The following PIK3CB variants were observed in gnomAD, a reference collection of about 807,000 sequenced individuals.
PIK3CB encodes phosphatidylinositol-4,5-bisphosphate 3-kinase catalytic subunit beta.
A neutral mutation model predicts 136.8 loss-of-function variants in PIK3CB; 39 were observed. The observed-to-expected ratio is 0.29, with a 90% CI of 0.22 to 0.37. The LOEUF (loss-of-function observed/expected upper bound fraction) is 0.37, where lower values mean the gene tolerates loss of function less well. Ranked by LOEUF, PIK3CB falls within the 10% of genes least tolerant of loss-of-function variation. PIK3CB has a pLI of 1.00. For synonymous variants in PIK3CB, 428 were observed against 436.6 expected (o/e 0.98, Z 0.25); for missense variants, 868 against 1,275.4 (o/e 0.68, Z 4.87).
intron 6 of PIK3CB, among the ~76,000 whole-genome samples, chr3:138,735,686 G>A (rs2045087536): frequency 6.6e-6 from 1 of 152,006 alleles, no homozygotes; most frequent in Admixed American, 6.6e-5. Flanking sequence ...TAAGAAAAGG[G>A]GTGATTATTC....
intron 19 of PIK3CB, among the ~76,000 whole-genome samples, chr3:138,666,664 A>C (rs929622273): frequency 6.6e-6 from 1 of 152,220 alleles, no homozygotes; most frequent in African/African-American, 2.4e-5. Flanking sequence ...GGAATGAGAT[A>C]TCTTGAAAGG....
chr3:138,780,294 C>T (rs748070833), intron 2 of PIK3CB, among the ~76,000 whole-genome samples: 4 of 150,690 alleles, frequency 2.7e-5, no homozygotes, highest in South Asian at 2.1e-4. Flanking sequence ...TTTTTTGAGA[C>T]GGCGTCTTGC....
At chr3:138,733,648 G>A (rs1259761731) in intron 7 of PIK3CB, among the ~76,000 whole-genome samples, 1 of 152,152 alleles carries the variant, frequency 6.6e-6, no homozygotes, top group Non-Finnish European at 1.5e-5. Flanking sequence ...GGAGGCTGAG[G>A]CAGGTGGATC....
Position 138,778,179 on chromosome 3 carries a change from C to G in PIK3CB, c.-17+18284G>C, listed in dbSNP as rs141965701. The G allele has an allele frequency of 4.2e-5, 19 of 455,324 alleles. No homozygotes were observed. In the East Asian group the frequency reaches 1.1e-3, roughly 26 times the overall value. The allele number at this position is 455,324 out of a possible 1,614,324, so 28.2% of individuals were successfully genotyped here. A position where few individuals can be genotyped will look rare whatever the true frequency, so the allele number is the denominator to read the frequency against. ...ATTTAAAAGGAGAAACCGAAAGGGT[C>G]ATCATCTCTGCCCCCTCTGCTGATG... On this transcript the variant is annotated intron_variant, in intron 2 of 23. Transcript: ENST00000674063.
intron 6 of PIK3CB, among the ~76,000 whole-genome samples, chr3:138,735,873 T>C (rs1410212014): frequency 2.6e-5 from 4 of 152,156 alleles, no homozygotes; most frequent in African/African-American, 7.2e-5. Flanking sequence ...AAGTTATATA[T>C]GATATTATGA....
chr3:138,758,684 G>A (rs2045616323), intron 3 of PIK3CB, among the ~76,000 whole-genome samples: 1 of 152,100 alleles, frequency 6.6e-6, no homozygotes, highest in Non-Finnish European at 1.5e-5. Context: ...ATTCACATTG[G>A]GTTCAGCTTT....
chr3:138,785,592 C>T (rs760475600), intron 2 of PIK3CB, among the ~76,000 whole-genome samples: 37 of 152,042 alleles, frequency 2.4e-4, no homozygotes, highest in Admixed American at 1.1e-3. Flanking sequence ...GTAAGATGTG[C>T]TTTGTTAAAC....
chr3:138,694,791 C>T lies in PIK3CB; in HGVS notation c.1887G>A (p.Gln629=), dbSNP rs772377417. The change falls in exon 14 of 24, where the codon CAG becomes CAA. Residue 629 remains glutamine (Q), a synonymous_variant. Transcript: ENST00000674063. ...VREYAVGCLR[Q]MSDEELSQYL... ...AAACCACCTGCAGAAGATACCTCAT[C>T]TGTCGCAGGCAGCCTACAGCATATT... 9 of 1,612,242 alleles carry T rather than the reference C, an allele frequency of 5.6e-6. No homozygotes were observed. Among genetic ancestry groups the T allele is most frequent in the Non-Finnish European group, 7.6e-6 (9 of 1,179,182 alleles).
chr3:138,759,429 C>T, intron 2 of PIK3CB, 70 bp from the exon 3 acceptor site: 2 of 1,004,622 alleles, frequency 2.0e-6, no homozygotes, highest in South Asian at 1.9e-5. Context: ...ATGATAAAGA[C>T]CACTAATCTA....
rs530593129 is a variant in PIK3CB, at chr3:138,753,985, T to C, written c.397+1769A>G. Among the ~76,000 whole-genome samples, 9 of 152,270 alleles carry C rather than the reference T, an allele frequency of 5.9e-5. No individual in the cohort carries two copies. In the East Asian group the frequency reaches 1.7e-3, roughly 29 times the overall value. On this transcript the variant is annotated intron_variant, in intron 4 of 23. Transcript: ENST00000674063. Reference sequence around the variant, plus strand: ...ACAAAAACAAATAAAAGCCTTGAAATACATATAATTTATTCAAAAGAAATA... The same window carrying C: ...ACAAAAACAAATAAAAGCCTTGAAACACATATAATTTATTCAAAAGAAATA...
chr3:138,828,207 A>AT (rs1933869142), intron 1 of PIK3CB, among the ~76,000 whole-genome samples: 1 of 117,524 alleles, frequency 8.5e-6, no homozygotes, highest in Non-Finnish European at 1.7e-5. Context: ...TTTTTTTGAG[A>AT]TGGAGTCTCG....
intron 1 of PIK3CB, among the ~76,000 whole-genome samples, chr3:138,829,791 AAAG>A (rs1933942332): frequency 6.6e-6 from 1 of 152,258 alleles, no homozygotes; most frequent in East Asian, 1.9e-4. Flanking sequence ...CCATCTCAAA[AAAG>A]AAGAAAGAAA....
At chr3:138,829,449 G>A (rs1207988847) in intron 1 of PIK3CB, among the ~76,000 whole-genome samples, 1 of 152,132 alleles carries the variant, frequency 6.6e-6, no homozygotes, top group Non-Finnish European at 1.5e-5. Flanking sequence ...AACTGGGGTA[G>A]TGGAAATGAA....
In PIK3CB at chr3:138,689,250, T is replaced by C. The variant is rs567341799; in HGVS notation, c.2037-276A>G. On this transcript the variant is annotated intron_variant, in intron 15 of 23. Coordinates refer to ENST00000674063, the MANE Select transcript of PIK3CB (RefSeq NM_006219.3). ...GTGTAGCTAGATGTCGCTAGGTGAC[T>C]AGGTTCTAGCCAACAGGATGCAAGA... 1.9e-4 allele frequency among the ~76,000 whole-genome samples: 29 copies of C among 152,264 alleles called. No homozygotes were observed. The South Asian group carries it at 4.8e-3, about 25-fold the overall frequency.
At chr3:138,670,920 A>G (rs1465174444) in intron 19 of PIK3CB, among the ~76,000 whole-genome samples, 1 of 152,186 alleles carries the variant, frequency 6.6e-6, no homozygotes, top group Non-Finnish European at 1.5e-5. Context: ...TGGAAAGTGT[A>G]ACTTGGAAAA....
intron 1 of PIK3CB, among the ~76,000 whole-genome samples, chr3:138,809,395 C>G (rs1236766147): frequency 1.3e-5 from 2 of 151,900 alleles, no homozygotes; most frequent in East Asian, 1.9e-4. Context: ...CACCTGAGGT[C>G]AGGAGTTCAA....
chr3:138,760,768 G>A (rs1576397625), intron 2 of PIK3CB, among the ~76,000 whole-genome samples: 1 of 152,038 alleles, frequency 6.6e-6, no homozygotes, highest in Non-Finnish European at 1.5e-5. Context: ...TTGGCCAGGC[G>A]TAGTGGTGCA....
chr3:138,824,742 G>A (rs570220859), intron 1 of PIK3CB, among the ~76,000 whole-genome samples: 20 of 151,664 alleles, frequency 1.3e-4, no homozygotes, highest in Admixed American at 4.0e-4. Flanking sequence ...CGGGGAGAAG[G>A]GGGGTCACAA....
intron 1 of PIK3CB, among the ~76,000 whole-genome samples, chr3:138,821,987 T>C (rs1007296368): frequency 6.6e-6 from 1 of 150,442 alleles, no homozygotes; most frequent in Non-Finnish European, 1.5e-5. Context: ...TCTTTCTCCA[T>C]GAAAAATACA....
Sources: allele counts gnomAD v4.1 joint callset (sites outside exome capture counted in the v4.1 genomes callset), GRCh38; gene constraint gnomAD v4.1.1; transcripts MANE v1.5; gene names NCBI Gene and HGNC (gene_info 2026-07-23, HGNC 2026-07-21).